Variants in BCL11B observed in about 807,000 individuals in gnomAD.
BCL11B encodes BCL11 transcription factor B.
BCL11B carries 8 observed loss-of-function variants against 49.9 expected under a neutral mutation model. That is an observed-to-expected ratio of 0.16 (90% CI 0.09 to 0.29). The LOEUF is 0.29. BCL11B is among the 10% of genes least tolerant of loss of function. The probability of loss-of-function intolerance (pLI) is 1.00; values close to 1 mark genes in which losing one functional copy is unlikely to be tolerated. For synonymous variants in BCL11B, 739 were observed against 637.4 expected (o/e 1.16, Z -2.40); for missense variants, 1,006 against 1,351.0 (o/e 0.74, Z 4.00).
At chr14:99,239,822 G>A (rs1430156181) in intron 2 of BCL11B, among the ~76,000 whole-genome samples, 1 of 152,100 alleles carries the variant, frequency 6.6e-6, no homozygotes, top group Non-Finnish European at 1.5e-5. Flanking sequence ...TTTGCTCAAC[G>A]GCCATGTACA....
intron 2 of BCL11B, among the ~76,000 whole-genome samples, chr14:99,245,887 G>A (rs1245177333): frequency 6.6e-6 from 1 of 152,128 alleles, no homozygotes. Flanking sequence ...GCCAGGGAAG[G>A]GGGCTGGCCC....
rs1430337629 is a variant in BCL11B at position 99,205,586 on chromosome 14, T to C, written c.640+25759A>G. ...GTGATGCCTGAGATGAGCTCCCTTT[T>C]CCAGAGGAGGAAAAAGGAGCCCAAA... On this transcript the variant is annotated intron_variant, in intron 3 of 3. Coordinates refer to ENST00000357195, the MANE Select transcript of BCL11B (RefSeq NM_138576.4). This position sits in a 1 kb window ranked among gnomAD's most constrained non-coding sequence, Gnocchi z 5.0. 6.6e-6 allele frequency among the ~76,000 whole-genome samples: 1 copy of C among 151,964 alleles called. No individual in the cohort carries two copies. Among genetic ancestry groups the C allele is most frequent in the Non-Finnish European group, 1.5e-5 (1 of 67,984 alleles).
rs1174147069 is a variant in BCL11B, at chr14:99,184,696, AATC to A, written c.641-8504_641-8502del. Among the ~76,000 whole-genome samples, 1 of 152,242 alleles carries A rather than the reference AATC, an allele frequency of 6.6e-6. No individual in the cohort carries two copies. Among genetic ancestry groups the A allele is most frequent in the African/African-American group, 2.4e-5 (1 of 41,534 alleles). ...GAAGGAGCCTGAGCCAGCCCTGTCT[AATC>A]ATTCCGCCTGCACCTGGGATTGCCA... On this transcript the variant is annotated intron_variant, in intron 3 of 3. Coordinates refer to ENST00000357195, the MANE Select transcript of BCL11B (RefSeq NM_138576.4). The surrounding 1 kb of genome is among the most constrained non-coding windows in gnomAD (Gnocchi z 6.1).
rs1886273044 is a variant in BCL11B, at chr14:99,171,031, A to G, written c.*3120T>C. ...CTCTCTCCTCTACATCTGACATCTT[A>G]GAGATGGCCTCTTAGAGAAAGGGAG... On this transcript the variant is annotated 3_prime_UTR_variant, in exon 4 of 4. Coordinates refer to ENST00000357195, the MANE Select transcript of BCL11B (RefSeq NM_138576.4). 1 of 231,762 alleles carries G rather than the reference A, an allele frequency of 4.3e-6. No individual in the cohort carries two copies. The highest frequency in any genetic ancestry group is 1.8e-4 in the South Asian group (1 of 5,512). The allele number at this position is 231,762 out of a possible 1,614,324, so 14.4% of individuals were successfully genotyped here.
chr14:99,212,965 A>G (rs970639203), intron 3 of BCL11B, among the ~76,000 whole-genome samples: 1 of 152,188 alleles, frequency 6.6e-6, no homozygotes, highest in Non-Finnish European at 1.5e-5. Flanking sequence ...AGTCTTGGTC[A>G]TTGGTGGCTT....
chr14:99,170,976 G>A lies in BCL11B; in HGVS notation c.*3175C>T. The A allele has an allele frequency of 4.3e-6, 1 of 232,660 alleles. No homozygotes were observed. The highest frequency in any genetic ancestry group is 8.5e-6 in the Non-Finnish European group (1 of 117,638). The allele number at this position is 232,660 out of a possible 1,614,324, so 14.4% of individuals were successfully genotyped here. ...TGGTGGTGGTGACCGCCACAGGAGT[G>A]ATGGTAGAGAAGGAAGATGTTCTCT... On this transcript the variant is annotated 3_prime_UTR_variant, in exon 4 of 4. Transcript: ENST00000357195.
In BCL11B at chr14:99,171,328, C is replaced by G. The variant is rs192682321; in HGVS notation, c.*2823G>C. On this transcript the variant is annotated 3_prime_UTR_variant, in exon 4 of 4. Transcript: ENST00000357195. ...GTCAAACAACCCTTTTTCTCCTGTACAATAGGACTTAACATACAAATGTGT... is the reference window on the plus strand; with the variant it reads ...GTCAAACAACCCTTTTTCTCCTGTAGAATAGGACTTAACATACAAATGTGT... 2.8e-4 allele frequency: 62 copies of G among 223,750 alleles called. No homozygotes were observed. Among genetic ancestry groups the G allele is most frequent in the African/African-American group, 1.3e-3 (60 of 44,894 alleles). The allele number at this position is 223,750 out of a possible 1,614,324, so 13.9% of individuals were successfully genotyped here.
At chr14:99,179,858 C>T (rs1886650049) in intron 3 of BCL11B, among the ~76,000 whole-genome samples, 1 of 152,142 alleles carries the variant, frequency 6.6e-6, no homozygotes, top group Admixed American at 6.5e-5. Flanking sequence ...TATCTCTTGC[C>T]CGGAAGTAGC....
In BCL11B at chr14:99,174,800, G is replaced by C. The variant is rs753657450; in HGVS notation, c.2036C>G (p.Pro679Arg). 7.0e-7 allele frequency: 1 copy of C among 1,430,608 alleles called. No homozygotes were observed. Among genetic ancestry groups the C allele is most frequent in the Non-Finnish European group, 9.2e-7 (1 of 1,092,874 alleles). The allele number at this position is 1,430,608 out of a possible 1,614,324, so 88.6% of individuals were successfully genotyped here. The change falls in exon 4 of 4, where the codon CCC becomes CGC. Residue 679 changes from proline to arginine, a missense_variant. Physicochemically the swap from Pro to Arg is moderately radical, Grantham distance 103. Coordinates refer to ENST00000357195, the MANE Select transcript of BCL11B (RefSeq NM_138576.4). ...FPRKPAPLPS[P>R]GLNSAAKRIK... ...GCGCTTGGCGGCGCTGTTGAGCCCGGGGCTGGGCAGCGGCGCGGGCTTGCG... is the reference window on the plus strand; with the variant it reads ...GCGCTTGGCGGCGCTGTTGAGCCCGCGGCTGGGCAGCGGCGCGGGCTTGCG...
chr14:99,194,869 G>A lies in BCL11B; in HGVS notation c.641-18674C>T, dbSNP rs553628125. Among the ~76,000 whole-genome samples, 1 of 152,248 alleles carries A rather than the reference G, an allele frequency of 6.6e-6. No homozygotes were observed. Among genetic ancestry groups the A allele is most frequent in the East Asian group, 1.9e-4 (1 of 5,172 alleles). ...TAGGACCTTGGTCAGTCCTTACCACGATCCCATCTTACCTCAGCTCCCAAG... is the reference window on the plus strand; with the variant it reads ...TAGGACCTTGGTCAGTCCTTACCACAATCCCATCTTACCTCAGCTCCCAAG... On this transcript the variant is annotated intron_variant, in intron 3 of 3. Coordinates refer to ENST00000357195, the MANE Select transcript of BCL11B (RefSeq NM_138576.4). The surrounding 1 kb of genome is among the most constrained non-coding windows in gnomAD (Gnocchi z 4.6).
In BCL11B at chr14:99,184,178, C is replaced by T. The variant is rs913345532; in HGVS notation, c.641-7983G>A. Among the ~76,000 whole-genome samples, 3 of 152,184 alleles carry T rather than the reference C, an allele frequency of 2.0e-5. No individual in the cohort carries two copies. The highest frequency in any genetic ancestry group is 1.3e-4 in the Admixed American group (2 of 15,276). ...GAGCTGCCCACTCGCCCTCTCGGTG[C>T]CTCCCTTTGGGCAGCGCATTTTCAC... is the stretch of plus-strand genomic sequence containing the variant. On this transcript the variant is annotated intron_variant, in intron 3 of 3. Coordinates refer to ENST00000357195, the MANE Select transcript of BCL11B (RefSeq NM_138576.4). The surrounding 1 kb of genome is among the most constrained non-coding windows in gnomAD (Gnocchi z 6.1).
At chr14:99,256,574 G>A (rs1466081149) in intron 2 of BCL11B, among the ~76,000 whole-genome samples, 1 of 152,206 alleles carries the variant, frequency 6.6e-6, no homozygotes, top group Non-Finnish European at 1.5e-5. Flanking sequence ...CCTGGGCTCA[G>A]AAGTATAAAC....
chr14:99,271,190 T>C lies in BCL11B; in HGVS notation c.29A>G (p.Gln10Arg), dbSNP rs764743438. ...GATGAGCTCCCTCTGGGACAAGTGC[T>C]GCGGGTTGCCCTGTTTGCGGCGGGA... MSRRKQGNP[Q>R]HLSQRELITP... The change falls in exon 1 of 4, where the codon CAG becomes CGG. Residue 10 changes from glutamine (Q) to arginine (R), a missense_variant. Coordinates refer to ENST00000357195, the MANE Select transcript of BCL11B (RefSeq NM_138576.4). The C allele has an allele frequency of 5.2e-6, 8 of 1,546,114 alleles. No individual in the cohort carries two copies. The highest frequency in any genetic ancestry group is 6.9e-6 in the Non-Finnish European group (8 of 1,151,660).
chr14:99,215,103 C>A (rs1352258242), intron 3 of BCL11B, among the ~76,000 whole-genome samples: 1 of 151,816 alleles, frequency 6.6e-6, no homozygotes, highest in African/African-American at 2.4e-5. Context: ...CTCCCCCAGC[C>A]CCCCACCCTG....
In BCL11B at chr14:99,215,356, G is replaced by T. The variant is rs369132836; in HGVS notation, c.640+15989C>A. On this transcript the variant is annotated intron_variant, in intron 3 of 3. Coordinates refer to ENST00000357195, the MANE Select transcript of BCL11B (RefSeq NM_138576.4). ...GCTTTTAAAAAATGTTTCGGAGACC[G>T]CAGTCTATTGTGGCCGCGGCCCCTG... 3.3e-3 allele frequency among the ~76,000 whole-genome samples: 510 copies of T among 152,360 alleles called. 2 individuals are homozygous for T. The highest frequency in any genetic ancestry group is 6.8e-3 in the Middle Eastern group (2 of 294).
rs779660747 is a variant in BCL11B, at chr14:99,175,628, A to T, written c.1208T>A (p.Phe403Tyr). The stretch of plus-strand genomic sequence containing the variant: ...GGGCGGCAGCGGCGGCGTGCTCAGG[A>T]ACGGGGACTTGGGGCTGGGCTGGAA... ...NPFQPSPKSPFLSTPPLPPMP... is the reference protein window; with the variant it reads ...NPFQPSPKSPYLSTPPLPPMP... Residue 403 changes from phenylalanine (F) to tyrosine (Y), a missense_variant, in exon 4 of 4, where the codon TTC becomes TAC. Phe to Tyr is a conservative substitution (Grantham distance 22). Transcript: ENST00000357195. The T allele has an allele frequency of 3.8e-5, 59 of 1,562,220 alleles. No homozygotes were observed. Among genetic ancestry groups the T allele is most frequent in the Non-Finnish European group, 5.1e-5 (59 of 1,162,802 alleles).
intron 3 of BCL11B, among the ~76,000 whole-genome samples, chr14:99,225,410 G>A (rs1368403174): frequency 1.3e-5 from 2 of 152,318 alleles, no homozygotes; most frequent in East Asian, 1.9e-4. Context: ...AGAGGGCAAT[G>A]CAAGCCTCCT....
At chr14:99,183,905 A>ACCCAGCACTGCCCCCACG (rs1174218697) in intron 3 of BCL11B, among the ~76,000 whole-genome samples, 14 of 151,944 alleles carry the variant, frequency 9.2e-5, no homozygotes, top group African/African-American at 3.4e-4. Context: ...CAGAGAACAC[A>ACCCAGCACTGCCCCCACG]CCCAGCACTG....
chr14:99,245,952 G>T (rs931060322), intron 2 of BCL11B, among the ~76,000 whole-genome samples: 3 of 152,090 alleles, frequency 2.0e-5, no homozygotes, highest in African/African-American at 7.2e-5. Context: ...GACGGGGGCG[G>T]GGGGGAAAGG....
Sources: gnomAD v4.1 joint callset for allele counts (sites outside exome capture counted in the v4.1 genomes callset) on GRCh38, gnomAD v4.1.1 for gene constraint, Gnocchi (gnomAD v3.1) non-coding constraint, MANE v1.5 for transcripts, NCBI Gene and HGNC (gene_info 2026-07-23, HGNC 2026-07-21) for gene names.